The following CNTN3 variants were observed in gnomAD, a reference collection of about 807,000 sequenced individuals.
CNTN3 encodes contactin 3, also known as contactin-3.
CNTN3 carries 60 observed loss-of-function variants against 119.1 expected under a neutral mutation model. That is an observed-to-expected ratio of 0.50 (90% CI 0.41 to 0.62). The LOEUF (loss-of-function observed/expected upper bound fraction) is 0.62, where lower values mean the gene tolerates loss of function less well. Among genes scored for constraint, CNTN3 ranks in the 20% least tolerant of loss-of-function variants. CNTN3 has a pLI of 0.00. For missense variants in CNTN3, 1,101 were observed against 1,242.4 expected (o/e 0.89, Z 1.71); for synonymous variants, 450 against 438.7 (o/e 1.03, Z -0.32).
intron 1 of CNTN3, among the ~76,000 whole-genome samples, chr3:74,537,790 T>C (rs1042627685): frequency 1.3e-5 from 2 of 152,180 alleles, no homozygotes; most frequent in African/African-American, 4.8e-5. Context: ...GAGGATTTCC[T>C]TCAAAACCAA....
chr3:74,468,266 T>C (rs554096885), intron 4 of CNTN3, among the ~76,000 whole-genome samples: 2 of 152,314 alleles, frequency 1.3e-5, no homozygotes, highest in Admixed American at 6.5e-5. Flanking sequence ...TAAAATGCTA[T>C]TGATATCTCA....
chr3:74,594,826 T>C (rs1033929942), intron 1 of CNTN3, among the ~76,000 whole-genome samples: 57 of 151,886 alleles, frequency 3.8e-4, no homozygotes, highest in Non-Finnish European at 6.0e-4. Context: ...ATGGGATGGC[T>C]GGGTCAAATG....
At chr3:74,264,798 G>A (rs916103268) in intron 22 of CNTN3, among the ~76,000 whole-genome samples, 10 of 152,052 alleles carry the variant, frequency 6.6e-5, no homozygotes, top group Non-Finnish European at 1.0e-4. Context: ...ACAGAGCAAA[G>A]GCAATACCTC....
At chr3:74,454,472 C>A (rs1215297317) in intron 4 of CNTN3, among the ~76,000 whole-genome samples, 1 of 151,890 alleles carries the variant, frequency 6.6e-6, no homozygotes, top group African/African-American at 2.4e-5. Flanking sequence ...TCCAATTTGC[C>A]AGTCTGTGTC....
chr3:74,532,160 T>G (rs916553622), intron 1 of CNTN3, among the ~76,000 whole-genome samples: 4 of 151,836 alleles, frequency 2.6e-5, no homozygotes. Flanking sequence ...TAGTGGTGGG[T>G]AGATGTGTGA....
chr3:74,521,538 A>G (rs1703543212), intron 1 of CNTN3, among the ~76,000 whole-genome samples: 1 of 151,782 alleles, frequency 6.6e-6, no homozygotes, highest in South Asian at 2.1e-4. Flanking sequence ...TAACGATAGC[A>G]TTCTGGCAAA....
chr3:74,300,858 C>G (rs1253119255), intron 16 of CNTN3, among the ~76,000 whole-genome samples: 1 of 152,118 alleles, frequency 6.6e-6, no homozygotes, highest in Non-Finnish European at 1.5e-5. Context: ...TAGGATATTT[C>G]TAGAATAATA....
rs181599804 is a variant in CNTN3, at chr3:74,327,210, C to T, written c.1668+7525G>A. ...ATGGCGCAATCTCAGCTCACTGCAA[C>T]CTCTCCCTCCTGAGTTCAAGCCATT... On this transcript the variant is annotated intron_variant, in intron 13 of 22. Coordinates refer to ENST00000263665, the MANE Select transcript of CNTN3 (RefSeq NM_020872.3). Among the ~76,000 whole-genome samples the T allele has an allele frequency of 2.7e-5, 4 of 147,898 alleles. No individual in the cohort carries two copies. In the East Asian group the frequency reaches 8.2e-4, roughly 30 times the overall value.
At chr3:74,440,299 TTAAG>T (rs1701940430) in intron 4 of CNTN3, among the ~76,000 whole-genome samples, 2 of 152,206 alleles carry the variant, frequency 1.3e-5, no homozygotes, top group Admixed American at 1.3e-4. Context: ...AATAGATGTA[TTAAG>T]TGATTCCAAT....
intron 1 of CNTN3, among the ~76,000 whole-genome samples, chr3:74,587,998 G>C (rs1200121807): frequency 2.0e-5 from 3 of 152,058 alleles, no homozygotes; most frequent in Non-Finnish European, 4.4e-5. Context: ...AGAGTTTTTA[G>C]CATGAAGGTT....
intron 1 of CNTN3, among the ~76,000 whole-genome samples, chr3:74,554,503 T>C (rs1704040612): frequency 6.6e-6 from 1 of 152,200 alleles, no homozygotes; most frequent in East Asian, 1.9e-4. Flanking sequence ...TAAATTACTT[T>C]GGGCAGTATG....
chr3:74,437,154 A>G (rs1701880297), intron 4 of CNTN3, among the ~76,000 whole-genome samples: 1 of 152,176 alleles, frequency 6.6e-6, no homozygotes, highest in Non-Finnish European at 1.5e-5. Context: ...AATCAAACAA[A>G]TAAAATTAAA....
chr3:74,613,180 T>A (rs899150867), intron 1 of CNTN3, among the ~76,000 whole-genome samples: 1 of 152,204 alleles, frequency 6.6e-6, no homozygotes, highest in African/African-American at 2.4e-5. Flanking sequence ...CTGTTTTTAA[T>A]CTATTTACAG....
chr3:74,324,091 T>C (rs1488604116), intron 13 of CNTN3, among the ~76,000 whole-genome samples: 3 of 152,190 alleles, frequency 2.0e-5, no homozygotes, highest in African/African-American at 7.2e-5. Flanking sequence ...CATAAACATA[T>C]ACAGTGTAAT....
intron 22 of CNTN3, 131 bp downstream of exon 22, chr3:74,266,350 C>CA (rs1221069700): frequency 6.3e-5 from 61 of 971,910 alleles, no homozygotes; most frequent in Non-Finnish European, 8.7e-5. Context: ...TCTCACCTGC[C>CA]AAAACCTTAC....
rs908045251 is a variant in CNTN3, at chr3:74,276,580, G to A, written c.2704+8725C>T. 7.2e-5 allele frequency among the ~76,000 whole-genome samples: 11 copies of A among 151,774 alleles called. No individual in the cohort carries two copies. The East Asian group carries it at 1.3e-3, about 19-fold the overall frequency. On this transcript the variant is annotated intron_variant, in intron 20 of 22. Transcript: ENST00000263665. ...CAAGATGGAAATTAAAGAATTATTC[G>A]AATTGAACAATACTGACACAACCTA...
chr3:74,614,479 A>T lies in CNTN3; in HGVS notation c.-169T>A, dbSNP rs1418135134. ...CCGCCGCCGCCACCGCCGCCGCCGC[A>T]GTTAGTCCGGGCCCGGGGGGCCGCC... On this transcript the variant is annotated 5_prime_UTR_variant, in exon 1 of 23. Transcript: ENST00000263665. Among the ~76,000 whole-genome samples the T allele has an allele frequency of 7.2e-6, 1 of 138,836 alleles. No individual in the cohort carries two copies. Among genetic ancestry groups the T allele is most frequent in the Non-Finnish European group, 1.6e-5 (1 of 63,544 alleles). 91.1% of individuals were successfully genotyped at this position (138,836 alleles called of 152,430 possible). A position where few individuals can be genotyped will look rare whatever the true frequency, so the allele number is the denominator to read the frequency against.
chr3:74,479,721 G>C (rs543410449), intron 4 of CNTN3, among the ~76,000 whole-genome samples: 1 of 152,064 alleles, frequency 6.6e-6, no homozygotes, highest in East Asian at 2.0e-4. Context: ...GGGATCATTA[G>C]AGTGAGTGAT....
chr3:74,299,740 C>G (rs1364875903), intron 17 of CNTN3, 128 bp downstream of exon 17: 1 of 624,362 alleles, frequency 1.6e-6, no homozygotes, highest in Non-Finnish European at 2.7e-6. Context: ...CCAGCAGCAG[C>G]AGCACCCACC....
Sources: gnomAD v4.1 joint callset for allele counts (sites outside exome capture counted in the v4.1 genomes callset) on GRCh38, gnomAD v4.1.1 for gene constraint, MANE v1.5 for transcripts, NCBI Gene and HGNC (gene_info 2026-07-23, HGNC 2026-07-21) for gene names.